The following SLC16A10 variants were observed in gnomAD, a reference collection of about 807,000 sequenced individuals.
The protein encoded by SLC16A10 is solute carrier family 16 member 10.
SLC16A10 carries 27 observed loss-of-function variants against 40.0 expected under a neutral mutation model. The ratio of observed to expected loss-of-function variants is 0.67; its 90% CI spans 0.50 to 0.93. The LOEUF is 0.93. Among genes scored for constraint, SLC16A10 ranks in the 40% least tolerant of loss-of-function variants. The pLI, the probability that SLC16A10 is intolerant of heterozygous loss-of-function variation, is 0.00. For missense variants in SLC16A10, 529 were observed against 658.2 expected, an observed-to-expected ratio of 0.80 and a Z score of 2.15; for synonymous variants, 213 against 249.8, an observed-to-expected ratio of 0.85 and a Z score of 1.39.
rs755669571 is a variant in SLC16A10, at chr6:111,218,801, G to A, written c.1087-13G>A. The A allele has an allele frequency of 8.1e-5, 130 of 1,610,802 alleles. 3 individuals carry two copies. In the South Asian group the frequency reaches 9.6e-4, roughly 12 times the overall value. ...TCCTGCGAGCGGAGCTGACCTTGTG[G>A]TGTCCGTCCTAGGTACTCTCCTTTT... On this transcript the variant is annotated splice_polypyrimidine_tract_variant and intron_variant, in intron 4 of 5. Coordinates refer to ENST00000368851, the MANE Select transcript of SLC16A10 (RefSeq NM_018593.5).
rs550903921 is a variant in SLC16A10 at position 111,112,208 on chromosome 6, T to A, written c.343+24113T>A. ...CCATGCCTGGCTAATTAAAAAAAAA[T>A]TTTTTTTTTCTAGAGATGGGGTCTC... On this transcript the variant is annotated intron_variant, in intron 1 of 5. Transcript: ENST00000368851. Among the ~76,000 whole-genome samples, 1,084 of 150,734 alleles carry A rather than the reference T, an allele frequency of 7.2e-3. 8 individuals carry two copies. Among genetic ancestry groups the A allele is most frequent in the Middle Eastern group, 0.014 (4 of 288 alleles).
intron 1 of SLC16A10, among the ~76,000 whole-genome samples, chr6:111,100,978 CTCTCTCTCTCTCTCTA>C (rs1562397140): frequency 3.2e-4 from 39 of 123,408 alleles, no homozygotes; most frequent in African/African-American, 6.0e-4. Context: ...CTCTCTCTCT[CTCTCTCTCTCTCTCTA>C]TATATATATA....
chr6:111,205,861 G>A (rs1773244693), intron 3 of SLC16A10, among the ~76,000 whole-genome samples: 1 of 152,120 alleles, frequency 6.6e-6, no homozygotes, highest in African/African-American at 2.4e-5. Context: ...CTCGTTTCAG[G>A]GGTGTCAATT....
At chr6:111,157,198 C>T (rs1196121439) in intron 1 of SLC16A10, among the ~76,000 whole-genome samples, 2 of 152,168 alleles carry the variant, frequency 1.3e-5, no homozygotes, top group African/African-American at 2.4e-5. Context: ...AGATTACAGG[C>T]GTGAGCCACC....
At chr6:111,202,690 C>T (rs1583360034) in intron 3 of SLC16A10, among the ~76,000 whole-genome samples, 1 of 151,780 alleles carries the variant, frequency 6.6e-6, no homozygotes, top group African/African-American at 2.4e-5. Flanking sequence ...AGTTCGAGAC[C>T]AGCCTGACCA....
chr6:111,161,245 A>G (rs979464108), intron 1 of SLC16A10, among the ~76,000 whole-genome samples: 1 of 150,728 alleles, frequency 6.6e-6, no homozygotes. Flanking sequence ...AAAAAAAAAA[A>G]AGAAAGGGTA....
intron 1 of SLC16A10, among the ~76,000 whole-genome samples, chr6:111,114,129 CTTTG>C (rs1033978775): frequency 2.0e-5 from 3 of 151,744 alleles, no homozygotes; most frequent in Admixed American, 6.6e-5. Flanking sequence ...TATACCTTTT[CTTTG>C]TTTAAGTCAA....
chr6:111,191,469 G>T (rs534990741), intron 3 of SLC16A10, among the ~76,000 whole-genome samples: 1 of 152,286 alleles, frequency 6.6e-6, no homozygotes, highest in East Asian at 1.9e-4. Context: ...GAATAGTGCT[G>T]CAATAAACAT....
chr6:111,175,743 A>G (rs1420439965), intron 2 of SLC16A10, among the ~76,000 whole-genome samples: 1 of 151,044 alleles, frequency 6.6e-6, no homozygotes, highest in African/African-American at 2.4e-5. Flanking sequence ...ACTATTACTC[A>G]GGCCAGAATG....
At chr6:111,217,756 G>C (rs1373956462) in intron 4 of SLC16A10, among the ~76,000 whole-genome samples, 4 of 152,086 alleles carry the variant, frequency 2.6e-5, no homozygotes, top group African/African-American at 9.7e-5. Flanking sequence ...GGCCATGAAT[G>C]GTTCAGTTTT....
rs76610311 is a variant in SLC16A10, at chr6:111,178,312, G to T, written c.942+647G>T. The T allele has an allele frequency of 1.7e-4, 84 of 501,730 alleles. 2 individuals are homozygous for T. The East Asian group carries it at 4.7e-3, about 28-fold the overall frequency. The allele number at this position is 501,730 out of a possible 1,614,324, so 31.1% of individuals were successfully genotyped here. A position where few individuals can be genotyped will look rare whatever the true frequency, so the allele number is the denominator to read the frequency against. On this transcript the variant is annotated intron_variant, in intron 3 of 5. Coordinates refer to ENST00000368851, the MANE Select transcript of SLC16A10 (RefSeq NM_018593.5). ...GGAATATCTGAGAAAAGTTACTCAA[G>T]ATCTAAATGAGGAAAGAGAACTATG...
intron 2 of SLC16A10, among the ~76,000 whole-genome samples, chr6:111,173,085 A>C (rs1036107259): frequency 6.6e-6 from 1 of 152,180 alleles, no homozygotes; most frequent in African/African-American, 2.4e-5. Flanking sequence ...TTCTTGGTGC[A>C]TGGAAAAATG....
At chr6:111,138,698 C>G (rs962977437) in intron 1 of SLC16A10, among the ~76,000 whole-genome samples, 12 of 151,500 alleles carry the variant, frequency 7.9e-5, no homozygotes, top group African/African-American at 2.9e-4. Flanking sequence ...CTTGCTGAGG[C>G]TGGATTCAAA....
intron 4 of SLC16A10, among the ~76,000 whole-genome samples, chr6:111,208,125 T>C (rs960906212): frequency 1.3e-5 from 2 of 150,504 alleles, no homozygotes; most frequent in African/African-American, 2.4e-5. Context: ...CGTGCCACCA[T>C]GCCTGGCTAA....
chr6:111,200,198 A>G (rs1773146430), intron 3 of SLC16A10, among the ~76,000 whole-genome samples: 1 of 152,216 alleles, frequency 6.6e-6, no homozygotes, highest in Non-Finnish European at 1.5e-5. Flanking sequence ...CAGTTTAGCC[A>G]CAACAGAAAT....
intron 1 of SLC16A10, 114 bp from the exon 2 acceptor site, chr6:111,172,581 A>G (rs1772605001): frequency 7.8e-7 from 1 of 1,289,454 alleles, no homozygotes; most frequent in Non-Finnish European, 1.0e-6. Context: ...CTTAGGCACT[A>G]TACTCAAAAA....
chr6:111,214,676 A>G (rs1211596086), intron 4 of SLC16A10, among the ~76,000 whole-genome samples: 1 of 152,268 alleles, frequency 6.6e-6, no homozygotes, highest in Non-Finnish European at 1.5e-5. Context: ...ATAGATGTGT[A>G]AATTTCTATA....
intron 1 of SLC16A10, among the ~76,000 whole-genome samples, chr6:111,108,536 G>T (rs560279519): frequency 6.6e-6 from 1 of 152,162 alleles, no homozygotes; most frequent in Non-Finnish European, 1.5e-5. Flanking sequence ...GTTGAGAAAT[G>T]AAGTGTATAT....
intron 1 of SLC16A10, among the ~76,000 whole-genome samples, chr6:111,130,456 C>CT (rs1338222206): frequency 6.6e-6 from 1 of 152,154 alleles, no homozygotes; most frequent in African/African-American, 2.4e-5. Flanking sequence ...CCAAGCTGTT[C>CT]TTTTTTTGAT....
Sources: allele counts gnomAD v4.1 joint callset (sites outside exome capture counted in the v4.1 genomes callset), GRCh38; gene constraint gnomAD v4.1.1; transcripts MANE v1.5; gene names NCBI Gene and HGNC (gene_info 2026-07-23, HGNC 2026-07-21).